LRRIQ3: variants seen among roughly 807,000 people sequenced by gnomAD.
LRRIQ3 encodes leucine-rich repeat and IQ domain-containing protein 3.
Under a neutral mutation model 59.3 loss-of-function variants are expected in LRRIQ3, and 75 were observed. The ratio of observed to expected loss-of-function variants is 1.26; its 90% CI spans 1.05 to 1.53. The LOEUF (loss-of-function observed/expected upper bound fraction) is 1.53. Among genes scored for constraint, LRRIQ3 ranks in the 40% most tolerant of loss-of-function variants. The pLI is 0.00. For synonymous variants in LRRIQ3, 250 were observed against 231.3 expected (o/e 1.08, Z -0.73); for missense variants, 831 against 710.0 (o/e 1.17, Z -1.94).
At chr1:74,153,481 A>G (rs962719150) in intron 4 of LRRIQ3, among the ~76,000 whole-genome samples, 2 of 152,124 alleles carry the variant, frequency 1.3e-5, no homozygotes, top group African/African-American at 4.8e-5. Flanking sequence ...ATATTTCCTA[A>G]TTCTTACTTT....
intron 1 of LRRIQ3, among the ~76,000 whole-genome samples, chr1:74,184,860 A>G (rs1047444386): frequency 6.6e-6 from 1 of 152,192 alleles, no homozygotes; most frequent in African/African-American, 2.4e-5. Flanking sequence ...ATGAAGCTCT[A>G]TTGGTGCTGG....
intron 6 of LRRIQ3, among the ~76,000 whole-genome samples, chr1:74,065,037 C>T (rs1208533505): frequency 6.6e-6 from 1 of 151,982 alleles, no homozygotes; most frequent in Non-Finnish European, 1.5e-5. Context: ...CTTTTCTTCA[C>T]CTAGTTCTCC....
At chr1:74,166,066 C>T (rs1392568636) in intron 3 of LRRIQ3, among the ~76,000 whole-genome samples, 2 of 151,562 alleles carry the variant, frequency 1.3e-5, no homozygotes, top group African/African-American at 4.8e-5. Context: ...ATAATTTTAG[C>T]TTCATAATAT....
At chr1:74,112,743 C>T (rs1386976190) in intron 4 of LRRIQ3, among the ~76,000 whole-genome samples, 1 of 152,094 alleles carries the variant, frequency 6.6e-6, no homozygotes, top group Non-Finnish European at 1.5e-5. Flanking sequence ...CTCTGAGGAG[C>T]AATATCAGAG....
intron 5 of LRRIQ3, among the ~76,000 whole-genome samples, chr1:74,107,445 C>T (rs937319480): frequency 3.3e-5 from 5 of 151,628 alleles, no homozygotes; most frequent in African/African-American, 9.7e-5. Context: ...TTCTTACAAA[C>T]CAAACTCCAA....
chr1:74,157,841 T>C (rs1476258641), intron 3 of LRRIQ3, among the ~76,000 whole-genome samples: 3 of 152,166 alleles, frequency 2.0e-5, no homozygotes, highest in African/African-American at 7.2e-5. Context: ...GCTTGAACAC[T>C]CACTTTTGTG....
chr1:74,077,780 C>A (rs1008244097), intron 5 of LRRIQ3, among the ~76,000 whole-genome samples: 1 of 151,850 alleles, frequency 6.6e-6, no homozygotes, highest in Non-Finnish European at 1.5e-5. Flanking sequence ...CTTACACAAG[C>A]TGCAAAAGTA....
chr1:74,032,935 T>C (rs946098171), intron 7 of LRRIQ3, among the ~76,000 whole-genome samples: 8 of 152,118 alleles, frequency 5.3e-5, no homozygotes, highest in African/African-American at 1.9e-4. Flanking sequence ...GAAACTGTGG[T>C]AAATATAAAA....
intron 6 of LRRIQ3, among the ~76,000 whole-genome samples, chr1:74,063,924 T>A (rs1035710640): frequency 1.3e-5 from 2 of 151,898 alleles, no homozygotes. Flanking sequence ...TGTGGCACCA[T>A]TTTAATTATT....
At chr1:74,193,880 T>C (rs1449551471) in intron 1 of LRRIQ3, among the ~76,000 whole-genome samples, 1 of 152,194 alleles carries the variant, frequency 6.6e-6, no homozygotes, top group African/African-American at 2.4e-5. Context: ...TAAAAAGTCT[T>C]AGTTTTTAGA....
chr1:74,077,735 T>C (rs982678476), intron 5 of LRRIQ3, among the ~76,000 whole-genome samples: 3 of 151,870 alleles, frequency 2.0e-5, no homozygotes, highest in Non-Finnish European at 2.9e-5. Flanking sequence ...TACAGAAAGA[T>C]GAACAAAAAG....
At position 74,085,313 on chromosome 1, in the gene LRRIQ3, T is replaced by G. The variant is rs867186774; in HGVS notation, c.868-10523A>C. 1.1e-4 allele frequency among the ~76,000 whole-genome samples: 11 copies of G among 101,032 alleles called. 1 individual carries two copies. The South Asian group carries it at 4.6e-3, about 42-fold the overall frequency. The allele number at this position is 101,032 out of a possible 152,430, so 66.3% of individuals were successfully genotyped here. ...CCTATGTGCGTATCACTATGCTAAG[T>G]ACATGGTGGCAAAAAAAAAAAAAAA... On this transcript the variant is annotated intron_variant, in intron 5 of 7. Coordinates refer to ENST00000354431, the MANE Select transcript of LRRIQ3 (RefSeq NM_001105659.2).
At chr1:74,092,540 C>T (rs768705429) in intron 5 of LRRIQ3, among the ~76,000 whole-genome samples, 4 of 151,922 alleles carry the variant, frequency 2.6e-5, no homozygotes, top group Non-Finnish European at 5.9e-5. Flanking sequence ...GGAAGGCAGG[C>T]TACATGCTGA....
chr1:74,045,198 T>C (rs1006824162), intron 6 of LRRIQ3, among the ~76,000 whole-genome samples: 1 of 152,040 alleles, frequency 6.6e-6, no homozygotes, highest in African/African-American at 2.4e-5. Flanking sequence ...TGAACATTGA[T>C]CCGAAAATCC....
intron 6 of LRRIQ3, among the ~76,000 whole-genome samples, chr1:74,043,195 G>C (rs1173785447): frequency 6.6e-6 from 1 of 152,058 alleles, no homozygotes; most frequent in Non-Finnish European, 1.5e-5. Context: ...AGTTATGCTT[G>C]TTAATTTAGG....
intron 1 of LRRIQ3, among the ~76,000 whole-genome samples, chr1:74,194,089 G>A (rs1391401178): frequency 6.6e-6 from 1 of 152,054 alleles, no homozygotes; most frequent in Non-Finnish European, 1.5e-5. Context: ...CCATGGGCCG[G>A]TGCAGTGACT....
At chr1:74,027,297 T>A (rs77481192) in intron 7 of LRRIQ3, among the ~76,000 whole-genome samples, 2,926 of 152,208 alleles carry the variant, frequency 0.019, 81 homozygotes, top group African/African-American at 0.067. Flanking sequence ...TCTGTTATGG[T>A]CTGAATGCAT....
At chr1:74,043,327 T>G (rs1654104060) in intron 6 of LRRIQ3, among the ~76,000 whole-genome samples, 1 of 152,106 alleles carries the variant, frequency 6.6e-6, no homozygotes, top group African/African-American at 2.4e-5. Flanking sequence ...ATGTCAAATA[T>G]GATGCTGGTG....
intron 7 of LRRIQ3, among the ~76,000 whole-genome samples, chr1:74,032,632 T>C (rs765345077): frequency 2.0e-5 from 3 of 152,128 alleles, no homozygotes; most frequent in East Asian, 3.8e-4. Context: ...ATGTGATACA[T>C]TGGGCGCATC....
Sources: gnomAD v4.1 joint callset for allele counts (sites outside exome capture counted in the v4.1 genomes callset) on GRCh38, gnomAD v4.1.1 for gene constraint, MANE v1.5 for transcripts, NCBI Gene and HGNC (gene_info 2026-07-23, HGNC 2026-07-21) for gene names.